The following MGAT4A variants were observed in gnomAD, a reference collection of about 807,000 sequenced individuals.
MGAT4A encodes the protein N-acetylglucosaminyltransferase IVa.
Under a neutral mutation model 74.1 loss-of-function variants are expected in MGAT4A, and 33 were observed. The ratio of observed to expected loss-of-function variants is 0.45; its 90% confidence interval spans 0.34 to 0.60. The LOEUF is 0.60. Ranked by LOEUF, MGAT4A falls within the 20% of genes least tolerant of loss-of-function variation. The pLI is 0.02. For synonymous variants in MGAT4A, 198 were observed against 210.4 expected (o/e 0.94, Z 0.51); for missense variants, 479 against 628.3 (o/e 0.76, Z 2.54).
chr2:98,679,864 T>G (rs1422147826), intron 2 of MGAT4A, among the ~76,000 whole-genome samples: 1 of 152,046 alleles, frequency 6.6e-6, no homozygotes, highest in Non-Finnish European at 1.5e-5. Flanking sequence ...ACCTGAGAGA[T>G]GGTGGAAGAA....
chr2:98,694,916 A>AAG (rs1209343197), intron 2 of MGAT4A: 1 of 154,072 alleles, frequency 6.5e-6, no homozygotes, highest in Non-Finnish European at 1.5e-5. Flanking sequence ...TTTGATAAGC[A>AAG]AGAGAGAGAT....
At chr2:98,697,865 T>C (rs1251066987) in intron 2 of MGAT4A, among the ~76,000 whole-genome samples, 1 of 152,306 alleles carries the variant, frequency 6.6e-6, no homozygotes, top group East Asian at 1.9e-4. Context: ...TGTGTATTCA[T>C]ACAACAAGAT....
chr2:98,667,143 T>C (rs1394740060), intron 4 of MGAT4A, among the ~76,000 whole-genome samples: 1 of 152,226 alleles, frequency 6.6e-6, no homozygotes, highest in Middle Eastern at 3.2e-3. Flanking sequence ...TGCTCCTCCT[T>C]GCCTTCTGCC....
At chr2:98,637,715 C>A (rs1443801325) in intron 12 of MGAT4A, among the ~76,000 whole-genome samples, 2 of 152,154 alleles carry the variant, frequency 1.3e-5, no homozygotes, top group Middle Eastern at 6.3e-3. Flanking sequence ...CTGGGTCTCT[C>A]AGTTACTAGA....
chr2:98,719,576 G>GA (rs1336961911), intron 2 of MGAT4A, among the ~76,000 whole-genome samples: 4 of 151,856 alleles, frequency 2.6e-5, no homozygotes, highest in African/African-American at 4.8e-5. Context: ...ACCAAACGGG[G>GA]AAAAAAAACC....
intron 5 of MGAT4A, among the ~76,000 whole-genome samples, chr2:98,662,632 A>G (rs1701768494): frequency 6.6e-6 from 1 of 152,224 alleles, no homozygotes; most frequent in Non-Finnish European, 1.5e-5. Context: ...CTAAAATACA[A>G]GAAGTGTGGT....
intron 2 of MGAT4A, among the ~76,000 whole-genome samples, chr2:98,706,892 G>GAA (rs11324730): frequency 7.8e-6 from 1 of 127,516 alleles, no homozygotes. Context: ...CATTAAAAAT[G>GAA]AAAAAAAAAA....
In MGAT4A at chr2:98,729,934, T is replaced by C. The variant is rs562070691; in HGVS notation, c.-236+1114A>G. ...TTTATAAACGGGTCAGTAGTTTTCT[T>C]TAATACAGCTTACGTAATGTCATCG... On this transcript the variant is annotated intron_variant, in intron 1 of 15. Coordinates refer to ENST00000393487, the MANE Select transcript of MGAT4A (RefSeq NM_012214.3). Among the ~76,000 whole-genome samples the C allele has an allele frequency of 7.2e-5, 11 of 152,352 alleles. No individual in the cohort carries two copies. In the East Asian group the frequency reaches 1.9e-3, roughly 27 times the overall value.
In MGAT4A at chr2:98,655,531, C is replaced by A; in HGVS notation, c.699-11G>T. 1 of 1,583,660 alleles carries A rather than the reference C, an allele frequency of 6.3e-7. No homozygotes were observed. Among genetic ancestry groups the A allele is most frequent in the Admixed American group, 1.8e-5 (1 of 56,836 alleles). On this transcript the variant is annotated splice_polypyrimidine_tract_variant and intron_variant, in intron 7 of 15. Transcript: ENST00000393487. ...TGCTTTGTTCTCCATCTGAAATAAA[C>A]ATTTTCAAAAAGTAAGTTAGGAATC...
intron 2 of MGAT4A, among the ~76,000 whole-genome samples, chr2:98,725,355 A>G (rs769522007): frequency 1.3e-5 from 2 of 152,172 alleles, no homozygotes; most frequent in Non-Finnish European, 2.9e-5. Context: ...TGCAATATGT[A>G]TATATAGACA....
At chr2:98,720,517 C>G (rs1230554176) in intron 2 of MGAT4A, among the ~76,000 whole-genome samples, 1 of 152,210 alleles carries the variant, frequency 6.6e-6, no homozygotes, top group Non-Finnish European at 1.5e-5. Flanking sequence ...CACCAGCTTT[C>G]CTGGTTCTCC....
chr2:98,645,390 T>C (rs763324224), intron 9 of MGAT4A, 38 bp downstream of exon 9: 1 of 1,395,458 alleles, frequency 7.2e-7, no homozygotes, highest in South Asian at 1.4e-5. Context: ...GAGTCACAGT[T>C]ATTTATGAAA....
chr2:98,664,326 T>C (rs1346909935), intron 4 of MGAT4A, among the ~76,000 whole-genome samples: 1 of 151,632 alleles, frequency 6.6e-6, no homozygotes, highest in Admixed American at 6.6e-5. Context: ...AATTTGTTTC[T>C]ACATGATTAA....
chr2:98,622,284 G>A lies in MGAT4A; in HGVS notation c.*3282C>T. The stretch of plus-strand genomic sequence containing the variant: ...GTTCAACAGAGCTTTCTGCAGTGAT[G>A]GAAAAGTTCTGCATCCGTGGTGTCA... On this transcript the variant is annotated 3_prime_UTR_variant, in exon 16 of 16. Coordinates refer to ENST00000393487, the MANE Select transcript of MGAT4A (RefSeq NM_012214.3). 1.0e-6 allele frequency: 1 copy of A among 985,458 alleles called. No individual in the cohort carries two copies. The highest frequency in any genetic ancestry group is 1.2e-6 in the Non-Finnish European group (1 of 829,948). 61.0% of individuals were successfully genotyped at this position (985,458 alleles called of 1,614,324 possible). A position where few individuals can be genotyped will look rare whatever the true frequency, so the allele number is the denominator to read the frequency against.
At chr2:98,648,925 C>T (rs966093234) in intron 8 of MGAT4A, among the ~76,000 whole-genome samples, 1 of 152,050 alleles carries the variant, frequency 6.6e-6, no homozygotes, top group Non-Finnish European at 1.5e-5. Context: ...GTCCCAGCTT[C>T]CTGGGAGGCT....
chr2:98,716,216 C>T (rs887925756), intron 2 of MGAT4A, among the ~76,000 whole-genome samples: 7 of 152,012 alleles, frequency 4.6e-5, no homozygotes, highest in South Asian at 2.1e-4. Context: ...CCCTCAACTT[C>T]AGAAGCTGAG....
In MGAT4A at chr2:98,666,551, G is replaced by A. The variant is rs545039363; in HGVS notation, c.404-3372C>T. 8.5e-5 allele frequency among the ~76,000 whole-genome samples: 13 copies of A among 152,136 alleles called. No homozygotes were observed. In the South Asian group the frequency reaches 2.7e-3, roughly 32 times the overall value. On this transcript the variant is annotated intron_variant, in intron 4 of 15. Coordinates refer to ENST00000393487, the MANE Select transcript of MGAT4A (RefSeq NM_012214.3). ...CTACAAAAAATAAAACACTTAGCTG[G>A]GCATGGTGGCGCATGCCTGTAGTCC...
chr2:98,705,755 A>AAC (rs1702417496), intron 2 of MGAT4A, among the ~76,000 whole-genome samples: 1 of 151,892 alleles, frequency 6.6e-6, no homozygotes. Flanking sequence ...CATCCTGGCT[A>AAC]ACAAGGTGAA....
intron 2 of MGAT4A, among the ~76,000 whole-genome samples, chr2:98,712,440 T>G (rs573834284): frequency 8.5e-5 from 13 of 152,278 alleles, no homozygotes; most frequent in Admixed American, 7.8e-4. Flanking sequence ...ACCCGACAAC[T>G]GAAATAGTTG....
Sources: allele counts gnomAD v4.1 joint callset (sites outside exome capture counted in the v4.1 genomes callset), GRCh38; gene constraint gnomAD v4.1.1; transcripts MANE v1.5; gene names NCBI Gene and HGNC (gene_info 2026-07-23, HGNC 2026-07-21).